SNX29: variants seen among roughly 807,000 people sequenced by gnomAD.
The protein encoded by SNX29 is sorting nexin-29.
In SNX29, 78 loss-of-function variants were observed where a neutral mutation model predicts 102.1. The ratio of observed to expected loss-of-function variants is 0.76; its 90% CI spans 0.64 to 0.92. The LOEUF is 0.92. SNX29 is among the 40% of genes least tolerant of loss of function. SNX29 has a pLI of 0.00. For synonymous variants in SNX29, 580 were observed against 414.5 expected (o/e 1.40, Z -4.85); for missense variants, 1,280 against 1,061.7 (o/e 1.21, Z -2.86).
At chr16:12,159,318 C>G (rs560579941) in intron 13 of SNX29, among the ~76,000 whole-genome samples, 4 of 152,326 alleles carry the variant, frequency 2.6e-5, no homozygotes, top group Middle Eastern at 3.4e-3. Flanking sequence ...GCTCAGCACA[C>G]TGTATGTTGG....
At position 12,249,087 on chromosome 16, in the gene SNX29, G is replaced by T. The variant is rs1238152205; in HGVS notation, c.1679-28846G>T. 2.0e-5 allele frequency among the ~76,000 whole-genome samples: 3 copies of T among 152,128 alleles called. No homozygotes were observed. The East Asian group carries it at 5.8e-4, about 29-fold the overall frequency. On this transcript the variant is annotated intron_variant, in intron 14 of 20. Coordinates refer to ENST00000566228, the MANE Select transcript of SNX29 (RefSeq NM_032167.5). Reference sequence around the variant, plus strand: ...AAAATGAGTGGCTTAAAACAACTCCGATTTTGGTTACTAACAATTGGGTGA... The same window carrying T: ...AAAATGAGTGGCTTAAAACAACTCCTATTTTGGTTACTAACAATTGGGTGA...
At chr16:12,566,082 C>A (rs1225042959) in intron 20 of SNX29, among the ~76,000 whole-genome samples, 2 of 152,160 alleles carry the variant, frequency 1.3e-5, no homozygotes, top group East Asian at 1.9e-4. Context: ...GGCACTTGAT[C>A]CCCATGATGC....
chr16:12,406,009 G>A (rs1250872010), intron 18 of SNX29, among the ~76,000 whole-genome samples: 1 of 151,800 alleles, frequency 6.6e-6, no homozygotes, highest in Non-Finnish European at 1.5e-5. Flanking sequence ...TCCAGACTGG[G>A]TGACAAGAAT....
intron 20 of SNX29, chr16:12,557,836 C>T (rs1041015540): frequency 4.6e-5 from 7 of 152,052 alleles, no homozygotes; most frequent in Non-Finnish European, 1.0e-4. Flanking sequence ...ACCAAAACAT[C>T]ATCAATGTGA....
At chr16:12,201,696 C>A (rs180922320) in intron 14 of SNX29, among the ~76,000 whole-genome samples, 21 of 152,276 alleles carry the variant, frequency 1.4e-4, no homozygotes, top group Non-Finnish European at 2.8e-4. Flanking sequence ...ATTTGCACGT[C>A]TAGATAATGT....
intron 20 of SNX29, among the ~76,000 whole-genome samples, chr16:12,554,165 C>G (rs145656840): frequency 6.6e-6 from 1 of 152,180 alleles, no homozygotes; most frequent in Non-Finnish European, 1.5e-5. Flanking sequence ...AGTAAATGAG[C>G]AATGTGTGAA....
intron 4 of SNX29, among the ~76,000 whole-genome samples, chr16:12,034,142 T>A (rs1187108921): frequency 6.6e-6 from 1 of 152,194 alleles, no homozygotes; most frequent in Non-Finnish European, 1.5e-5. Flanking sequence ...TTGAAAATGG[T>A]TGATTGCACT....
intron 4 of SNX29, among the ~76,000 whole-genome samples, chr16:12,028,502 T>G (rs1197284941): frequency 1.3e-5 from 2 of 152,010 alleles, no homozygotes; most frequent in South Asian, 2.1e-4. Flanking sequence ...TAGCTAGGAT[T>G]GCAGGCTTGC....
intron 15 of SNX29, among the ~76,000 whole-genome samples, chr16:12,280,572 CA>C (rs2079399846): frequency 6.6e-6 from 1 of 152,056 alleles, no homozygotes; most frequent in South Asian, 2.1e-4. Flanking sequence ...TGGCTGTGGT[CA>C]ACGAGCTGAG....
In SNX29 at chr16:12,299,779, ATTT is replaced by A. The variant is rs61233917; in HGVS notation, c.1782+21760_1782+21762del. On this transcript the variant is annotated intron_variant, in intron 15 of 20. Transcript: ENST00000566228. Reference sequence around the variant, plus strand: ...TAGATACTTCTAATTCAAATTTCGAATTTTTTTTTTTTTTTTTTTACTTAACTA... The same window carrying A: ...TAGATACTTCTAATTCAAATTTCGAATTTTTTTTTTTTTTTTACTTAACTA... 6.7e-3 allele frequency among the ~76,000 whole-genome samples: 877 copies of A among 131,286 alleles called. 9 individuals are homozygous for A. The highest frequency in any genetic ancestry group is 0.023 in the African/African-American group (819 of 36,196). The allele number at this position is 131,286 out of a possible 152,430, so 86.1% of individuals were successfully genotyped here.
At chr16:12,476,646 G>A (rs2087667915) in intron 18 of SNX29, among the ~76,000 whole-genome samples, 1 of 151,234 alleles carries the variant, frequency 6.6e-6, no homozygotes, top group African/African-American at 2.4e-5. Flanking sequence ...AAACTTGATA[G>A]GCATTCTGTT....
At chr16:12,514,143 G>A (rs2089757935) in intron 19 of SNX29, among the ~76,000 whole-genome samples, 1 of 152,144 alleles carries the variant, frequency 6.6e-6, no homozygotes, top group Non-Finnish European at 1.5e-5. Flanking sequence ...AAGAAGAAAG[G>A]CAGATTTTCA....
intron 19 of SNX29, among the ~76,000 whole-genome samples, chr16:12,505,763 CAAAAA>C (rs61113263): frequency 4.0e-5 from 3 of 75,876 alleles, no homozygotes; most frequent in African/African-American, 5.3e-5. Flanking sequence ...GTCAATTCTG[CAAAAA>C]AAAAAAAAAA....
intron 18 of SNX29, among the ~76,000 whole-genome samples, chr16:12,475,934 G>C (rs1405403503): frequency 2.0e-5 from 3 of 152,184 alleles, no homozygotes; most frequent in Non-Finnish European, 2.9e-5. Context: ...TATTATGTAT[G>C]ATGATCAGAG....
At chr16:12,242,491 G>A (rs781650532) in intron 14 of SNX29, among the ~76,000 whole-genome samples, 47 of 151,308 alleles carry the variant, frequency 3.1e-4, no homozygotes, top group Non-Finnish European at 5.7e-4. Context: ...GTGAGTGGTC[G>A]GAGAATTAGT....
At chr16:12,147,803 G>T (rs977216741) in intron 13 of SNX29, among the ~76,000 whole-genome samples, 4 of 152,208 alleles carry the variant, frequency 2.6e-5, no homozygotes, top group African/African-American at 9.6e-5. Flanking sequence ...TGAACATGAA[G>T]CCTGGGTCTT....
intron 16 of SNX29, among the ~76,000 whole-genome samples, chr16:12,391,432 A>T (rs1384845889): frequency 6.6e-6 from 1 of 152,216 alleles, no homozygotes; most frequent in South Asian, 2.1e-4. Flanking sequence ...CTGTACAGAG[A>T]GTAGAAGGAT....
intron 3 of SNX29, among the ~76,000 whole-genome samples, chr16:12,018,996 A>G (rs1464915587): frequency 6.6e-6 from 1 of 152,006 alleles, no homozygotes; most frequent in African/African-American, 2.4e-5. Flanking sequence ...CTAACCTTTT[A>G]AAAAATGCTA....
chr16:12,567,438 C>G (rs140073129), intron 20 of SNX29, among the ~76,000 whole-genome samples: 1 of 152,320 alleles, frequency 6.6e-6, no homozygotes, highest in African/African-American at 2.4e-5. Context: ...AAGAACATTC[C>G]TAGCCCCAGA....
Sources: gnomAD v4.1 joint callset for allele counts (sites outside exome capture counted in the v4.1 genomes callset) on GRCh38, gnomAD v4.1.1 for gene constraint, MANE v1.5 for transcripts, NCBI Gene and HGNC (gene_info 2026-07-23, HGNC 2026-07-21) for gene names.